Variants in OTUD7A observed in about 807,000 individuals in gnomAD.
The protein encoded by OTUD7A is OTU domain-containing protein 7A.
A neutral mutation model predicts 65.7 loss-of-function variants in OTUD7A; 12 were observed. The ratio of observed to expected loss-of-function variants is 0.18; its 90% confidence interval spans 0.12 to 0.30. The LOEUF (loss-of-function observed/expected upper bound fraction) is 0.30. OTUD7A is among the 10% of genes least tolerant of loss of function. The pLI is 1.00. For missense variants in OTUD7A, 1,148 were observed against 1,304.8 expected (o/e 0.88, Z 1.85); for synonymous variants, 641 against 586.3 (o/e 1.09, Z -1.35).
In OTUD7A at chr15:31,686,439, A is replaced by G. The variant is rs1875667; in HGVS notation, c.-99-29362T>C. 2.3e-4 allele frequency among the ~76,000 whole-genome samples: 35 copies of G among 152,288 alleles called. 1 individual carries two copies. The highest frequency in any genetic ancestry group is 9.6e-4 in the East Asian group (5 of 5,184). On this transcript the variant is annotated intron_variant, in intron 1 of 12. Coordinates refer to ENST00000307050, the MANE Select transcript of OTUD7A (RefSeq NM_001382637.1). ...CCTGATATTTCCATCCACACACTCA[A>G]GTGAAACTCAGTGATTTCCTTGGTG...
At chr15:31,686,989 T>A (rs189125958) in intron 1 of OTUD7A, among the ~76,000 whole-genome samples, 1 of 152,282 alleles carries the variant, frequency 6.6e-6, no homozygotes, top group African/African-American at 2.4e-5. Flanking sequence ...GTGTAGCTTC[T>A]AAAATAACCT....
At chr15:31,807,663 T>G (rs970558296) in intron 1 of OTUD7A, among the ~76,000 whole-genome samples, 5 of 152,156 alleles carry the variant, frequency 3.3e-5, no homozygotes, top group African/African-American at 1.2e-4. Context: ...CAGTAACACT[T>G]GTCTGCCTGA....
At chr15:31,816,575 T>TC (rs1896554670) in intron 1 of OTUD7A, among the ~76,000 whole-genome samples, 1 of 151,312 alleles carries the variant, frequency 6.6e-6, no homozygotes, top group Admixed American at 6.6e-5. Context: ...GCACCTGTAG[T>TC]CCCAGCAACT....
At chr15:31,723,442 T>C (rs1311632228) in intron 1 of OTUD7A, among the ~76,000 whole-genome samples, 1 of 116,362 alleles carries the variant, frequency 8.6e-6, no homozygotes, top group Non-Finnish European at 1.7e-5. Context: ...GGCCACTTCA[T>C]CTCGGAGGCC....
At chr15:31,723,131 C>A (rs55778950) in intron 1 of OTUD7A, among the ~76,000 whole-genome samples, 104,428 of 150,074 alleles carry the variant, frequency 0.7, 36,560 homozygotes, top group South Asian at 0.79. Context: ...AGGCAAGGAC[C>A]TGGAGCCCAG....
At chr15:31,564,730 AAGACAGAG>A (rs1307464754) in intron 4 of OTUD7A, among the ~76,000 whole-genome samples, 1 of 152,166 alleles carries the variant, frequency 6.6e-6, no homozygotes, top group African/African-American at 2.4e-5. Context: ...AACCACTCAA[AAGACAGAG>A]ATTCTTGGAT....
At chr15:31,741,098 C>A (rs1595738913) in intron 1 of OTUD7A, among the ~76,000 whole-genome samples, 1 of 152,298 alleles carries the variant, frequency 6.6e-6, no homozygotes, top group Admixed American at 6.5e-5. Flanking sequence ...TTATCATACT[C>A]TGAGCCATAA....
At chr15:31,824,766 G>T (rs1896760768) in intron 1 of OTUD7A, among the ~76,000 whole-genome samples, 1 of 152,126 alleles carries the variant, frequency 6.6e-6, no homozygotes, top group Non-Finnish European at 1.5e-5. Context: ...CAGATGGCCT[G>T]TCTTATTTTT....
rs192121269 is a variant in OTUD7A, at chr15:31,516,426, G to T, written c.893+9923C>A. ...TGGCGGAGAGGATCCCAGCTCCAGC[G>T]GGGGGCAGCCTGAAAATCATAATGA... On this transcript the variant is annotated intron_variant, in intron 8 of 12. Coordinates refer to ENST00000307050, the MANE Select transcript of OTUD7A (RefSeq NM_001382637.1). Among the ~76,000 whole-genome samples, 233 of 152,198 alleles carry T rather than the reference G, an allele frequency of 1.5e-3. 2 individuals carry two copies. The highest frequency in any genetic ancestry group is 6.8e-3 in the Middle Eastern group (2 of 294).
At chr15:31,797,507 T>G (rs575351006) in intron 1 of OTUD7A, among the ~76,000 whole-genome samples, 144 of 152,292 alleles carry the variant, frequency 9.5e-4, no homozygotes, top group African/African-American at 3.3e-3. Context: ...TAGCCTGTCT[T>G]TTCCCCCAGA....
rs536980728 is a variant in OTUD7A, at chr15:31,618,305, G to A, written c.151+36791C>T. The stretch of plus-strand genomic sequence containing the variant: ...TTGGGTATATACCCAGTAATGGGAT[G>A]GCTAGGTCAAATGGTATTTCCAGTT... On this transcript the variant is annotated intron_variant, in intron 3 of 12. Coordinates refer to ENST00000307050, the MANE Select transcript of OTUD7A (RefSeq NM_001382637.1). Among the ~76,000 whole-genome samples, 4 of 152,300 alleles carry A rather than the reference G, an allele frequency of 2.6e-5. No individual in the cohort carries two copies. The South Asian group carries it at 8.3e-4, about 32-fold the overall frequency.
intron 1 of OTUD7A, among the ~76,000 whole-genome samples, chr15:31,731,363 T>C (rs1412077383): frequency 6.6e-6 from 1 of 152,192 alleles, no homozygotes; most frequent in East Asian, 1.9e-4. Flanking sequence ...CTGTGGTACA[T>C]ACAGACAATA....
intron 1 of OTUD7A, among the ~76,000 whole-genome samples, chr15:31,802,083 ATATATATGTGTGTG>A (rs563941630): frequency 3.2e-3 from 454 of 143,674 alleles, no homozygotes; most frequent in African/African-American, 0.011. Flanking sequence ...AACTAATGGA[ATATATATGTGTGTG>A]TATATATGTG....
At chr15:31,853,832 A>AACAAAGACCTGACCCCATT (rs1227795701) in intron 1 of OTUD7A, among the ~76,000 whole-genome samples, 2 of 152,318 alleles carry the variant, frequency 1.3e-5, no homozygotes, top group African/African-American at 4.8e-5. Flanking sequence ...CTTCTTCTTC[A>AACAAAGACCTGACCCCATT]ACAAAGACCT....
intron 1 of OTUD7A, among the ~76,000 whole-genome samples, chr15:31,797,713 T>C (rs570628630): frequency 2.3e-4 from 35 of 152,326 alleles, no homozygotes; most frequent in African/African-American, 7.5e-4. Flanking sequence ...CTTACAGAAT[T>C]TTAAGTGCCC....
intron 5 of OTUD7A, among the ~76,000 whole-genome samples, chr15:31,538,267 G>A (rs981919118): frequency 1.3e-5 from 2 of 152,196 alleles, no homozygotes; most frequent in African/African-American, 2.4e-5. Flanking sequence ...GGGGAGAGAA[G>A]AGCAGGGTGC....
At chr15:31,659,724 C>T (rs1892103829) in intron 1 of OTUD7A, among the ~76,000 whole-genome samples, 1 of 152,258 alleles carries the variant, frequency 6.6e-6, no homozygotes. Context: ...GCCAGAGAGC[C>T]TGACCTCAGA....
intron 1 of OTUD7A, among the ~76,000 whole-genome samples, chr15:31,774,756 G>A (rs1460414829): frequency 6.6e-6 from 1 of 152,136 alleles, no homozygotes; most frequent in Non-Finnish European, 1.5e-5. Flanking sequence ...AGCCACTTAA[G>A]TTTCCCCTTA....
intron 2 of OTUD7A, among the ~76,000 whole-genome samples, chr15:31,656,256 G>T (rs1424436231): frequency 6.6e-6 from 1 of 152,226 alleles, no homozygotes; most frequent in Non-Finnish European, 1.5e-5. Flanking sequence ...ACTAGTGAAT[G>T]GTGCTGGGGC....
Sources: allele counts gnomAD v4.1 joint callset (sites outside exome capture counted in the v4.1 genomes callset), GRCh38; gene constraint gnomAD v4.1.1; transcripts MANE v1.5; gene names NCBI Gene and HGNC (gene_info 2026-07-23, HGNC 2026-07-21).